Variants in FAHD2B observed in about 807,000 individuals in gnomAD.
FAHD2B encodes fumarylacetoacetate hydrolase domain containing 2B.
Under a neutral mutation model 33.7 loss-of-function variants are expected in FAHD2B, and 26 were observed. That is an observed-to-expected ratio of 0.77 (90% CI 0.57 to 1.07). The LOEUF (loss-of-function observed/expected upper bound fraction) is 1.07. FAHD2B is among the 50% of genes least tolerant of loss of function. The probability of loss-of-function intolerance (pLI) is 0.00; values close to 1 mark genes in which losing one functional copy is unlikely to be tolerated. For synonymous variants in FAHD2B, 108 were observed against 150.9 expected (o/e 0.72, Z 2.08); for missense variants, 272 against 388.1 (o/e 0.70, Z 2.51).
At position 97,091,562 on chromosome 2, in the gene FAHD2B, C is replaced by T; in HGVS notation, c.145G>A (p.Gly49Ser). Residue 49 changes from glycine (G) to serine (S), a missense_variant, in exon 3 of 9, where the codon GGT (glycine) becomes AGT (serine). Transcript: ENST00000414820. ...GPHLGLETGN[G>S]GGVINLNAFD... ...GCATTGAGGTTGATAACCCCTCCAC[C>T]ATTCCCTGTCTCCAGGCCCAAGTGA... 1 of 1,613,848 alleles carries T rather than the reference C, an allele frequency of 6.2e-7. No homozygotes were observed. The highest frequency in any genetic ancestry group is 1.1e-5 in the South Asian group (1 of 90,990).
In FAHD2B at chr2:97,084,210, C is replaced by T. The variant is rs2031802667; in HGVS notation, c.753G>A (p.Gln251=). ...TCAGGTCCTCTGTCTTGAATACCAT[C>T]TGGTTGGTGTTGCTGCTCTGGACGA... ...GEVVQSSNTN[Q]MVFKTEDLIA... is the part of the protein sequence containing the mutation. The change falls in exon 7 of 9, where the codon CAG becomes CAA. Residue 251 remains glutamine (Q), a synonymous_variant. Transcript: ENST00000414820. The T allele has an allele frequency of 4.3e-6, 7 of 1,613,798 alleles. No individual in the cohort carries two copies. The highest frequency in any genetic ancestry group is 5.9e-6 in the Non-Finnish European group (7 of 1,179,848).
chr2:97,083,809 A>C lies in FAHD2B; in HGVS notation c.891T>G (p.Asp297Glu). The C allele has an allele frequency of 6.2e-7, 1 of 1,614,110 alleles. No individual in the cohort carries two copies. Residue 297 changes from aspartate (D) to glutamate (E), a missense_variant, in exon 9 of 9, where the codon GAT becomes GAG. Physicochemically the swap from Asp to Glu is conservative, Grantham distance 45 (BLOSUM62 2). Coordinates refer to ENST00000414820, the MANE Select transcript of FAHD2B (RefSeq NM_001320848.2). ...GTTCTTCAATCTCACACTGGACTTC[A>C]TCCCCCTTCTGCAACAGAGCAGGCC... The part of the protein sequence containing the change: ...RKPPVFLKKG[D>E]EVQCEIEELG...
At chr2:97,083,558 A>C (rs1442775989), downstream of FAHD2B, 22 of 1,031,680 alleles carry the variant, frequency 2.1e-5, no homozygotes, top group Middle Eastern at 3.2e-4. Context: ...AAAGCCCAAA[A>C]GAAGACAAAC....
chr2:97,089,817 A>G (rs1479141650), intron 4 of FAHD2B: 2 of 494,514 alleles, frequency 4.0e-6, no homozygotes, highest in African/African-American at 3.9e-5. Flanking sequence ...GGGAAGGTAG[A>G]CAGAAAAACA....
intron 1 of FAHD2B, among the ~76,000 whole-genome samples, chr2:97,092,965 CAAAAAAAA>C (rs748844060): frequency 4.7e-5 from 3 of 64,220 alleles, no homozygotes; most frequent in South Asian, 1.2e-3. Flanking sequence ...AGAGCGACTC[CAAAAAAAA>C]AAAAAAAAAA....
intron 4 of FAHD2B, 120 bp from the exon 5 acceptor site, chr2:97,086,318 C>G: frequency 7.2e-7 from 1 of 1,387,864 alleles, no homozygotes; most frequent in Non-Finnish European, 9.9e-7. Flanking sequence ...CGTTTGCCAT[C>G]ACCCTGAACC....
At chr2:97,078,967 A>G (rs1311133558), downstream of FAHD2B, among the ~76,000 whole-genome samples, 1 of 151,944 alleles carries the variant, frequency 6.6e-6, no homozygotes, top group East Asian at 1.9e-4. Flanking sequence ...CTTTGCGTCC[A>G]TATGTTCTCA....
At chr2:97,091,790 T>C (rs2032363782) in intron 2 of FAHD2B, 73 bp downstream of exon 2, 9 of 1,539,210 alleles carry the variant, frequency 5.8e-6, no homozygotes, top group South Asian at 5.1e-5. Context: ...CCTAGGGCTA[T>C]AGCCCAAGGC....
downstream of FAHD2B, chr2:97,082,313 A>G: frequency 6.3e-7 from 1 of 1,594,010 alleles, no homozygotes; most frequent in Non-Finnish European, 8.6e-7. Flanking sequence ...GCTGCCCGAT[A>G]CTGGTGAGGC....
chr2:97,085,328 C>T (rs564410193), intron 6 of FAHD2B, among the ~76,000 whole-genome samples: 1 of 150,884 alleles, frequency 6.6e-6, no homozygotes, highest in African/African-American at 2.4e-5. Context: ...GTGAGTCACA[C>T]TGGCTTTCAT....
chr2:97,082,765 G>A (rs1034577945), downstream of FAHD2B: 3 of 1,514,086 alleles, frequency 2.0e-6, no homozygotes, highest in Admixed American at 1.7e-5. Flanking sequence ...AGGGGTGAGA[G>A]GAGCCAGTGT....
At chr2:97,082,209 C>T (rs200809231), downstream of FAHD2B, 6,013 of 1,531,620 alleles carry the variant, frequency 3.9e-3, 325 homozygotes, top group East Asian at 0.11. Flanking sequence ...AGCCAGCAGT[C>T]ACACTGCCCA....
chr2:97,090,463 T>A, intron 3 of FAHD2B, 138 bp from the exon 4 acceptor site: 1 of 1,454,084 alleles, frequency 6.9e-7, no homozygotes, highest in Non-Finnish European at 9.1e-7. Flanking sequence ...TCAGAGTCAG[T>A]GTGAAAACCA....
At chr2:97,080,428 T>G (rs1267505425), downstream of FAHD2B, among the ~76,000 whole-genome samples, 1 of 152,056 alleles carries the variant, frequency 6.6e-6, no homozygotes, top group African/African-American at 2.4e-5. Context: ...GGTTCTCTAT[T>G]CTGTTCCATT....
At chr2:97,086,534 A>C in intron 4 of FAHD2B, 3 of 290,852 alleles carry the variant, frequency 1.0e-5, no homozygotes, top group Non-Finnish European at 6.6e-6. Context: ...AGCAATATGT[A>C]ACCTTACTGT....
At chr2:97,083,263 T>C, downstream of FAHD2B, 1 of 1,606,780 alleles carries the variant, frequency 6.2e-7, no homozygotes. Context: ...TAGCTAGAAC[T>C]GTGAGGAGGA....
At chr2:97,092,920 C>G (rs1218333261) in intron 1 of FAHD2B, among the ~76,000 whole-genome samples, 2 of 146,912 alleles carry the variant, frequency 1.4e-5, no homozygotes, top group African/African-American at 5.1e-5. Context: ...TTGTAGTGAG[C>G]CAAGAACATG....
chr2:97,083,950 T>G lies in FAHD2B; in HGVS notation c.880A>C (p.Lys294Gln), dbSNP rs1559134101. The change falls in exon 8 of 9, where the codon AAG (lysine) becomes CAG (glutamine). Residue 294 changes from lysine to glutamine, a missense_variant and splice_region_variant. By Grantham distance (53) the Lys-to-Gln change is moderately conservative. Transcript: ENST00000414820. ...CTCTTTGCTTTTCGCTAACCTACCT[T>G]GAGAAAGACAGGAGGTTTCCTGAAT... The part of the protein sequence containing the change: ...GVFRKPPVFL[K>Q]KGDEVQCEIE... 7 of 1,613,792 alleles carry G rather than the reference T, an allele frequency of 4.3e-6. No individual in the cohort carries two copies. Among genetic ancestry groups the G allele is most frequent in the Admixed American group, 1.7e-5 (1 of 59,920 alleles).
chr2:97,085,901 C>T (rs753390053), intron 5 of FAHD2B, 40 bp from the exon 6 acceptor site: 1 of 1,611,824 alleles, frequency 6.2e-7, no homozygotes, highest in South Asian at 1.1e-5. Flanking sequence ...GAGGTTAGAT[C>T]ACGGGTGACA....
Sources: allele counts gnomAD v4.1 joint callset (sites outside exome capture counted in the v4.1 genomes callset), GRCh38; gene constraint gnomAD v4.1.1; transcripts MANE v1.5; gene names NCBI Gene and HGNC (gene_info 2026-07-23, HGNC 2026-07-21).